BACH1: variants seen among roughly 807,000 people sequenced by gnomAD.
The protein encoded by BACH1 is transcription regulator protein BACH1.
Under a neutral mutation model 52.9 loss-of-function variants are expected in BACH1, and 35 were observed. The ratio of observed to expected loss-of-function variants is 0.66; its 90% confidence interval spans 0.51 to 0.88. BACH1 has a LOEUF of 0.88. Among genes scored for constraint, BACH1 ranks in the 40% least tolerant of loss-of-function variants. The pLI, the probability that BACH1 is intolerant of heterozygous loss-of-function variation, is 0.00. For synonymous variants in BACH1, 321 were observed against 319.6 expected, an observed-to-expected ratio of 1.00 and a Z score of -0.05; for missense variants, 808 against 872.6, an observed-to-expected ratio of 0.93 and a Z score of 0.93.
downstream of BACH1, among the ~76,000 whole-genome samples, chr21:29,347,252 G>A (rs1264419833): frequency 6.6e-6 from 1 of 152,146 alleles, no homozygotes; most frequent in Non-Finnish European, 1.5e-5. Flanking sequence ...GTGCATTCTG[G>A]AATTAGGCAG....
At chr21:29,327,680 G>GT (rs941220208) in intron 3 of BACH1, among the ~76,000 whole-genome samples, 1 of 152,146 alleles carries the variant, frequency 6.6e-6, no homozygotes, top group African/African-American at 2.4e-5. Flanking sequence ...AATTAGCTGG[G>GT]TGTGGTGGTG....
At chr21:29,327,892 C>T (rs187027207) in intron 3 of BACH1, among the ~76,000 whole-genome samples, 116 of 152,312 alleles carry the variant, frequency 7.6e-4, no homozygotes, top group African/African-American at 2.6e-3. Context: ...TCTGTTCATT[C>T]GTTTCCAGTA....
Position 29,332,374 on chromosome 21 carries a change from C to G in BACH1, c.1776+2681C>G, listed in dbSNP as rs2088994570. On this transcript the variant is annotated intron_variant, in intron 4 of 4. Transcript: ENST00000286800. ...AATAACTACTGGTTAATTTTCAATA[C>G]AAAGTAATATTTTGTTTCTCAACAG... Among the ~76,000 whole-genome samples, 4 of 152,146 alleles carry G rather than the reference C, an allele frequency of 2.6e-5. 1 individual carries two copies. In the South Asian group the frequency reaches 8.3e-4, roughly 32 times the overall value.
chr21:29,317,752 C>T (rs541162960), intron 1 of BACH1, among the ~76,000 whole-genome samples: 3 of 152,294 alleles, frequency 2.0e-5, no homozygotes, highest in Admixed American at 1.3e-4. Flanking sequence ...AATATTATCA[C>T]CACTAATAAC....
chr21:29,358,796 A>C (rs576387420), intron 2 of BACH1, among the ~76,000 whole-genome samples: 1,944 of 130,892 alleles, frequency 0.015, 18 homozygotes, highest in Non-Finnish European at 0.025. Flanking sequence ...GAAAGAAAGA[A>C]AGAAAGAAAG....
At chr21:29,341,520 G>T (rs938026680) in intron 4 of BACH1, among the ~76,000 whole-genome samples, 1 of 152,228 alleles carries the variant, frequency 6.6e-6, no homozygotes, top group African/African-American at 2.4e-5. Flanking sequence ...CATGCTGTCA[G>T]CAGTGATAAG....
chr21:29,306,170 G>GTGTGTA (rs2088654997), intron 1 of BACH1, among the ~76,000 whole-genome samples: 1 of 10,616 alleles, frequency 9.4e-5, no homozygotes, highest in African/African-American at 2.6e-3. Context: ...GTCAGGAAGA[G>GTGTGTA]TGTGTGTGTG....
downstream of BACH1, among the ~76,000 whole-genome samples, chr21:29,347,665 C>T (rs143855510): frequency 7.9e-4 from 121 of 152,352 alleles, no homozygotes; most frequent in Middle Eastern, 3.4e-3. Flanking sequence ...TTCCCAACAC[C>T]AGCCTTTGCA....
intron 1 of BACH1, among the ~76,000 whole-genome samples, chr21:29,299,217 T>C (rs1029476957): frequency 2.6e-5 from 4 of 151,352 alleles, no homozygotes; most frequent in African/African-American, 9.7e-5. Context: ...AGCTGTTGTT[T>C]ACCCGCGCGC....
chr21:29,321,666 T>C, intron 2 of BACH1, 152 bp downstream of exon 2: 1 of 649,510 alleles, frequency 1.5e-6, no homozygotes, highest in South Asian at 2.4e-5. Flanking sequence ...TTTTTTAGTT[T>C]TTTTAATGTA....
rs967605439 is a variant in BACH1 at position 29,326,880 on chromosome 21, A to G, written c.1056A>G (p.Ser352=). The G allele has an allele frequency of 6.2e-7, 1 of 1,614,254 alleles. No individual in the cohort carries two copies. Among genetic ancestry groups the G allele is most frequent in the Admixed American group, 1.7e-5 (1 of 60,036 alleles). The change falls in exon 3 of 5, where the codon TCA becomes TCG. Residue 352 remains serine, a synonymous_variant. Transcript: ENST00000286800. The part of the protein sequence containing the change: ...NTTVLTEKPL[S]GTDVQEKTFG... Reference sequence around the variant, plus strand: ...CAGTGTTAACAGAAAAGCCTTTGTCAGGTACAGACGTCCAAGAAAAAACAT... The same window carrying G: ...CAGTGTTAACAGAAAAGCCTTTGTCGGGTACAGACGTCCAAGAAAAAACAT...
Position 29,342,902 on chromosome 21 carries a change from T to C in BACH1, c.*69T>C, listed in dbSNP as rs1247084455. ...TTTTGGCAGCGTCTTGAAAGCCTAATATGACCATCTGTTGCTCAACAATAC... is the reference window on the plus strand; with the variant it reads ...TTTTGGCAGCGTCTTGAAAGCCTAACATGACCATCTGTTGCTCAACAATAC... On this transcript the variant is annotated 3_prime_UTR_variant, in exon 5 of 5. Transcript: ENST00000286800. 3 of 1,431,318 alleles carry C rather than the reference T, an allele frequency of 2.1e-6. No homozygotes were observed. Among genetic ancestry groups the C allele is most frequent in the African/African-American group, 2.9e-5 (2 of 70,112 alleles). 88.7% of individuals were successfully genotyped at this position (1,431,318 alleles called of 1,614,324 possible).
intron 1 of BACH1, among the ~76,000 whole-genome samples, chr21:29,300,548 CCTG>C (rs1410660207): frequency 1.3e-5 from 2 of 152,144 alleles, no homozygotes; most frequent in Non-Finnish European, 2.9e-5. Flanking sequence ...AGCCTCGTGA[CCTG>C]CTGTCTGAGA....
At chr21:29,317,104 A>G (rs1051508819) in intron 1 of BACH1, among the ~76,000 whole-genome samples, 3 of 152,194 alleles carry the variant, frequency 2.0e-5, no homozygotes, top group Admixed American at 1.3e-4. Context: ...TGTGAACCCT[A>G]TGGTAAACTG....
In BACH1 at chr21:29,313,197, A is replaced by G. The variant is rs373698851; in HGVS notation, c.-60-8024A>G. On this transcript the variant is annotated intron_variant, in intron 1 of 4. Coordinates refer to ENST00000286800, the MANE Select transcript of BACH1 (RefSeq NM_001186.4). ...CACTAACGATAGCTGACAAGCTAGGAAAAAAAAAAGGTCCATGCATGATTT... is the reference window on the plus strand; with the variant it reads ...CACTAACGATAGCTGACAAGCTAGGGAAAAAAAAAGGTCCATGCATGATTT... Among the ~76,000 whole-genome samples, 320 of 150,350 alleles carry G rather than the reference A, an allele frequency of 2.1e-3. 2 individuals are homozygous for G. Among genetic ancestry groups the G allele is most frequent in the African/African-American group, 7.2e-3 (296 of 41,006 alleles).
chr21:29,299,394 C>T (rs1250539069), intron 1 of BACH1: 2 of 152,582 alleles, frequency 1.3e-5, no homozygotes, highest in Admixed American at 1.3e-4. Context: ...TCCGCCGCCT[C>T]CCACCGCATG....
At chr21:29,315,614 T>C (rs916691953) in intron 1 of BACH1, among the ~76,000 whole-genome samples, 1 of 152,166 alleles carries the variant, frequency 6.6e-6, no homozygotes, top group African/African-American at 2.4e-5. Flanking sequence ...TGGCCACCAC[T>C]TGTGGCCAAC....
chr21:29,312,816 T>C (rs2088741373), intron 1 of BACH1, among the ~76,000 whole-genome samples: 1 of 152,222 alleles, frequency 6.6e-6, no homozygotes, highest in Admixed American at 6.5e-5. Context: ...CTCAGTTTTT[T>C]AGATGTTGGT....
rs140812886 is a variant in BACH1, at chr21:29,327,553, G to A, written c.1569+160G>A. ...GTAAGACTGTGTGATAGGGCTGGGC[G>A]CAGTGGCCCACAACTGTTAATTCCA... On this transcript the variant is annotated intron_variant, in intron 3 of 4. Coordinates refer to ENST00000286800, the MANE Select transcript of BACH1 (RefSeq NM_001186.4). 1.4e-3 allele frequency among the ~76,000 whole-genome samples: 219 copies of A among 152,328 alleles called. 1 individual carries two copies. The highest frequency in any genetic ancestry group is 2.3e-3 in the Non-Finnish European group (154 of 68,024).
Sources: allele counts gnomAD v4.1 joint callset (sites outside exome capture counted in the v4.1 genomes callset), GRCh38; gene constraint gnomAD v4.1.1; transcripts MANE v1.5; gene names NCBI Gene and HGNC (gene_info 2026-07-23, HGNC 2026-07-21).